Variants in HMBOX1 observed in about 807,000 individuals in gnomAD.
HMBOX1 encodes homeobox-containing protein 1.
A neutral mutation model predicts 54.5 loss-of-function variants in HMBOX1; 14 were observed. The observed-to-expected ratio is 0.26, with a 90% CI of 0.17 to 0.40. The LOEUF is 0.40. HMBOX1 is among the 10% of genes least tolerant of loss of function. HMBOX1 has a pLI of 1.00. For synonymous variants in HMBOX1, 160 were observed against 181.0 expected (o/e 0.88, Z 0.93); for missense variants, 332 against 514.4 (o/e 0.65, Z 3.43).
chr8:29,016,687 C>T (rs1019811276), intron 5 of HMBOX1, among the ~76,000 whole-genome samples: 10 of 152,208 alleles, frequency 6.6e-5, no homozygotes, highest in Admixed American at 4.6e-4. Flanking sequence ...GAAACTCACT[C>T]ATGTGGATGT....
At chr8:29,024,025 G>A (rs1288170994) in intron 6 of HMBOX1, among the ~76,000 whole-genome samples, 1 of 152,200 alleles carries the variant, frequency 6.6e-6, no homozygotes, top group Non-Finnish European at 1.5e-5. Context: ...TCCATAAGGA[G>A]TCACAAGTTG....
intron 1 of HMBOX1, among the ~76,000 whole-genome samples, chr8:28,934,111 AT>A (rs751493180): frequency 4.6e-5 from 7 of 152,224 alleles, no homozygotes; most frequent in Non-Finnish European, 8.8e-5. Flanking sequence ...CAGTATAAAA[AT>A]AAAAGGTTAA....
At chr8:28,946,868 G>T (rs1016377595) in intron 1 of HMBOX1, among the ~76,000 whole-genome samples, 5 of 152,264 alleles carry the variant, frequency 3.3e-5, no homozygotes, top group African/African-American at 1.2e-4. Context: ...TATTTGTATG[G>T]CACATTGTAG....
intron 1 of HMBOX1, among the ~76,000 whole-genome samples, chr8:28,946,228 C>T (rs1000677513): frequency 4.6e-5 from 7 of 151,758 alleles, no homozygotes; most frequent in African/African-American, 1.7e-4. Context: ...GCTGGGATTA[C>T]AGGTGTGAGC....
At chr8:29,049,167 C>T in intron 9 of HMBOX1, 119 bp downstream of exon 9, 1 of 1,476,890 alleles carries the variant, frequency 6.8e-7, no homozygotes, top group South Asian at 1.2e-5. Context: ...ACTGTCCCTC[C>T]ACTCTGCTCC....
At chr8:29,014,750 G>A (rs1834743210) in intron 5 of HMBOX1, among the ~76,000 whole-genome samples, 1 of 151,976 alleles carries the variant, frequency 6.6e-6, no homozygotes, top group African/African-American at 2.4e-5. Flanking sequence ...CACGATCTTG[G>A]CTCACTGCAA....
intron 3 of HMBOX1, among the ~76,000 whole-genome samples, chr8:28,976,332 CAA>C (rs1828367855): frequency 6.6e-6 from 1 of 152,124 alleles, no homozygotes; most frequent in African/African-American, 2.4e-5. Context: ...TATATACAAA[CAA>C]TATTTAATTT....
At chr8:28,993,656 A>C (rs1175419625) in intron 4 of HMBOX1, among the ~76,000 whole-genome samples, 1 of 151,664 alleles carries the variant, frequency 6.6e-6, no homozygotes, top group African/African-American at 2.4e-5. Flanking sequence ...GTTCTGTATT[A>C]AAAAAAAATT....
At chr8:28,974,313 C>T (rs763431892) in intron 3 of HMBOX1, among the ~76,000 whole-genome samples, 2 of 151,990 alleles carry the variant, frequency 1.3e-5, no homozygotes, top group Non-Finnish European at 2.9e-5. Context: ...AAATAAAGAC[C>T]TGTTTTACGT....
intron 3 of HMBOX1, among the ~76,000 whole-genome samples, chr8:28,975,367 G>A (rs1344730696): frequency 1.3e-5 from 2 of 152,172 alleles, no homozygotes; most frequent in African/African-American, 4.8e-5. Flanking sequence ...TGAAGATCAG[G>A]GAGAACGTCT....
Position 28,989,932 on chromosome 8 carries a change from C to T in HMBOX1, c.586+9776C>T, listed in dbSNP as rs142499723. Among the ~76,000 whole-genome samples, 727 of 152,198 alleles carry T rather than the reference C, an allele frequency of 4.8e-3. 2 individuals carry two copies. Among genetic ancestry groups the T allele is most frequent in the African/African-American group, 0.017 (696 of 41,554 alleles). On this transcript the variant is annotated intron_variant, in intron 4 of 9. Transcript: ENST00000287701. ...CACGTTTTGTACACATAAAATTCCT[C>T]TCTAAATATTTTATATTTTTATTGC... is the stretch of plus-strand genomic sequence containing the variant.
intron 2 of HMBOX1, among the ~76,000 whole-genome samples, chr8:28,965,467 A>G (rs763934516): frequency 6.6e-6 from 1 of 152,260 alleles, no homozygotes; most frequent in Admixed American, 6.5e-5. Flanking sequence ...GATGAGGTAC[A>G]TTAACCACAT....
At chr8:28,963,397 A>G (rs988915829) in intron 1 of HMBOX1, among the ~76,000 whole-genome samples, 1 of 152,226 alleles carries the variant, frequency 6.6e-6, no homozygotes, top group African/African-American at 2.4e-5. Flanking sequence ...TGCATATATC[A>G]TTAGTCATTG....
At chr8:29,035,628 C>T (rs548198651) in intron 6 of HMBOX1, among the ~76,000 whole-genome samples, 1 of 152,170 alleles carries the variant, frequency 6.6e-6, no homozygotes, top group Non-Finnish European at 1.5e-5. Flanking sequence ...CCACGGTTTC[C>T]GCTGGTATGA....
At chr8:28,929,586 T>C (rs934861611) in intron 1 of HMBOX1, among the ~76,000 whole-genome samples, 15 of 152,340 alleles carry the variant, frequency 9.8e-5, no homozygotes, top group African/African-American at 3.6e-4. Flanking sequence ...ACAGTGTTCT[T>C]GGAGGTTATT....
At chr8:29,044,933 AGTCC>A (rs1190421952) in intron 6 of HMBOX1, among the ~76,000 whole-genome samples, 1 of 152,242 alleles carries the variant, frequency 6.6e-6, no homozygotes, top group Non-Finnish European at 1.5e-5. Context: ...AATAAAAAAA[AGTCC>A]TATTGTTACC....
chr8:28,899,824 A>G (rs187206204), intron 1 of HMBOX1, among the ~76,000 whole-genome samples: 1 of 152,352 alleles, frequency 6.6e-6, no homozygotes, highest in Admixed American at 6.5e-5. Context: ...AACCTAGAAG[A>G]TTGGAGTCAG....
At chr8:28,964,014 A>G in intron 2 of HMBOX1, 124 bp downstream of exon 2, 1 of 664,506 alleles carries the variant, frequency 1.5e-6, no homozygotes, top group South Asian at 2.1e-5. Context: ...TTTTTAGAAA[A>G]TGAATCAAAT....
intron 9 of HMBOX1, chr8:29,050,077 G>A (rs1226556669): frequency 5.2e-6 from 1 of 192,854 alleles, no homozygotes; most frequent in East Asian, 1.9e-4. Flanking sequence ...AGAATATTCT[G>A]TAAGTCTTTC....
Sources: gnomAD v4.1 joint callset for allele counts (sites outside exome capture counted in the v4.1 genomes callset) on GRCh38, gnomAD v4.1.1 for gene constraint, MANE v1.5 for transcripts, NCBI Gene and HGNC (gene_info 2026-07-23, HGNC 2026-07-21) for gene names.